The following CNOT6L variants were observed in gnomAD, a reference collection of about 807,000 sequenced individuals.
The protein encoded by CNOT6L is CCR4-NOT transcription complex subunit 6 like.
Under a neutral mutation model 64.0 loss-of-function variants are expected in CNOT6L, and 7 were observed. The observed-to-expected ratio is 0.11, with a 90% CI of 0.06 to 0.21. The LOEUF is 0.21. CNOT6L is among the 10% of genes least tolerant of loss of function. The pLI, the probability that CNOT6L is intolerant of heterozygous loss-of-function variation, is 1.00. For synonymous variants in CNOT6L, 193 were observed against 243.4 expected, an observed-to-expected ratio of 0.79 and a Z score of 1.93; for missense variants, 245 against 669.0, an observed-to-expected ratio of 0.37 and a Z score of 6.99.
chr4:77,720,081 G>A lies in CNOT6L; in HGVS notation c.*350C>T, dbSNP rs2109845313. On this transcript the variant is annotated 3_prime_UTR_variant, in exon 12 of 12. Coordinates refer to ENST00000504123, the MANE Select transcript of CNOT6L (RefSeq NM_144571.3). ...CCTTTTATAAAATGGTTGGCTCACT[G>A]AAACCATTCAAAAGAAAGTATTTGT... 1 of 177,070 alleles carries A rather than the reference G, an allele frequency of 5.6e-6. No homozygotes were observed. Among genetic ancestry groups the A allele is most frequent in the East Asian group, 1.6e-4 (1 of 6,432 alleles). 11.0% of individuals were successfully genotyped at this position (177,070 alleles called of 1,614,324 possible).
chr4:77,797,232 A>AC (rs1730964099), intron 1 of CNOT6L, among the ~76,000 whole-genome samples: 1 of 149,836 alleles, frequency 6.7e-6, no homozygotes, highest in Non-Finnish European at 1.5e-5. Context: ...CTCATACTAT[A>AC]TAAAAAAAAA....
intron 1 of CNOT6L, among the ~76,000 whole-genome samples, chr4:77,786,145 G>A (rs1390092109): frequency 6.6e-6 from 1 of 152,002 alleles, no homozygotes; most frequent in Non-Finnish European, 1.5e-5. Context: ...GCTGGGCATG[G>A]TGGCGGACAC....
At chr4:77,796,900 G>A (rs1288407471) in intron 1 of CNOT6L, among the ~76,000 whole-genome samples, 1 of 151,836 alleles carries the variant, frequency 6.6e-6, no homozygotes, top group Non-Finnish European at 1.5e-5. Context: ...GGACAACATG[G>A]CAAAACCCCA....
rs1347664953 is a variant in CNOT6L at position 77,718,880 on chromosome 4, C to CT, written c.*1550dup. On this transcript the variant is annotated 3_prime_UTR_variant, in exon 12 of 12. Coordinates refer to ENST00000504123, the MANE Select transcript of CNOT6L (RefSeq NM_144571.3). ...TTAAATAATTTAAATTTGACCTATA[C>CT]TTTATATATTAGTGAGACACAAATA... 1 of 152,508 alleles carries CT rather than the reference C, an allele frequency of 6.6e-6. No individual in the cohort carries two copies. The highest frequency in any genetic ancestry group is 6.6e-5 in the Admixed American group (1 of 15,238). The allele number at this position is 152,508 out of a possible 1,614,324, so 9.4% of individuals were successfully genotyped here.
chr4:77,781,323 T>A (rs1360476140), intron 1 of CNOT6L, among the ~76,000 whole-genome samples: 1 of 152,146 alleles, frequency 6.6e-6, no homozygotes, highest in Admixed American at 6.5e-5. Flanking sequence ...GTTCTGTACA[T>A]GTATCCCAGA....
chr4:77,740,797 G>A (rs1421005941), intron 8 of CNOT6L, among the ~76,000 whole-genome samples: 1 of 152,188 alleles, frequency 6.6e-6, no homozygotes, highest in Admixed American at 6.5e-5. Flanking sequence ...CAGTGATGAT[G>A]TAGGTGTCTT....
intron 8 of CNOT6L, among the ~76,000 whole-genome samples, chr4:77,736,579 T>C (rs368001960): frequency 7.2e-5 from 11 of 152,180 alleles, no homozygotes; most frequent in African/African-American, 2.2e-4. Context: ...TTTTGAAATA[T>C]AGAGGTTTTC....
At chr4:77,815,857 C>T (rs1733514473) in intron 1 of CNOT6L, among the ~76,000 whole-genome samples, 1 of 152,174 alleles carries the variant, frequency 6.6e-6, no homozygotes, top group Non-Finnish European at 1.5e-5. Flanking sequence ...CCAGGAGCAC[C>T]TGCACTGGAA....
chr4:77,725,067 C>A (rs1228949009), intron 11 of CNOT6L, among the ~76,000 whole-genome samples: 1 of 152,188 alleles, frequency 6.6e-6, no homozygotes, highest in African/African-American at 2.4e-5. Flanking sequence ...TCACTACATA[C>A]AAGTGGCTGG....
Position 77,801,166 on chromosome 4 carries a change from C to A in CNOT6L, c.5+18138G>T, listed in dbSNP as rs748848431. Reference sequence around the variant, plus strand: ...CCAGGAAAAGGATACTCTGACCCTACGTGAAAGCAAAAACCAGCCACTGAA... The same window carrying A: ...CCAGGAAAAGGATACTCTGACCCTAAGTGAAAGCAAAAACCAGCCACTGAA... On this transcript the variant is annotated intron_variant, in intron 1 of 11. Transcript: ENST00000504123. Among the ~76,000 whole-genome samples the A allele has an allele frequency of 3.3e-5, 5 of 152,204 alleles. No individual in the cohort carries two copies. The East Asian group carries it at 9.7e-4, about 29-fold the overall frequency.
At chr4:77,776,992 G>C (rs1295950528) in intron 1 of CNOT6L, among the ~76,000 whole-genome samples, 1 of 152,172 alleles carries the variant, frequency 6.6e-6, no homozygotes, top group Non-Finnish European at 1.5e-5. Flanking sequence ...GCAGAGTCTG[G>C]AAAACAGAAA....
chr4:77,740,839 C>T (rs972146025), intron 8 of CNOT6L, among the ~76,000 whole-genome samples: 2 of 152,098 alleles, frequency 1.3e-5, no homozygotes, highest in Admixed American at 6.5e-5. Context: ...ACCTTTTTTA[C>T]GTCTAGATAT....
chr4:77,815,880 C>G (rs959684864), intron 1 of CNOT6L, among the ~76,000 whole-genome samples: 1 of 152,100 alleles, frequency 6.6e-6, no homozygotes, highest in Admixed American at 6.6e-5. Flanking sequence ...GTCATGAAAG[C>G]AAGTAAACTG....
At chr4:77,742,433 G>T in intron 7 of CNOT6L, 138 bp from the exon 8 acceptor site, 1 of 853,038 alleles carries the variant, frequency 1.2e-6, no homozygotes, top group Non-Finnish European at 1.9e-6. Context: ...TATCTTACCT[G>T]ATTGCTAGCA....
At position 77,720,498 on chromosome 4, in the gene CNOT6L, G is replaced by A; in HGVS notation, c.1601C>T (p.Thr534Ile). 6.2e-7 allele frequency: 1 copy of A among 1,613,480 alleles called. No individual in the cohort carries two copies. The highest frequency in any genetic ancestry group is 8.5e-7 in the Non-Finnish European group (1 of 1,179,540). ...GAGTGGAGGGTGGAGTTCAAGTTGT[G>A]TTAACAGTGAGAAGTGGTCTGAAGG... ...HIPSDHFSLL[T>I]QLELHPPLLP... The change falls in exon 12 of 12, where the codon ACA becomes ATA. Residue 534 changes from threonine to isoleucine, a missense_variant. Transcript: ENST00000504123.
At chr4:77,819,521 C>T (rs1734057155), upstream of CNOT6L, 1 of 854,924 alleles carries the variant, frequency 1.2e-6, no homozygotes. Context: ...GGCCCGTAAC[C>T]GGGGCTCGCG....
At chr4:77,787,333 C>T (rs963830177) in intron 1 of CNOT6L, among the ~76,000 whole-genome samples, 5 of 152,088 alleles carry the variant, frequency 3.3e-5, no homozygotes, top group Admixed American at 6.6e-5. Flanking sequence ...TTCCTTCATT[C>T]GCTTTTATTT....
At chr4:77,745,738 A>T (rs1361553638) in intron 6 of CNOT6L, among the ~76,000 whole-genome samples, 1 of 152,216 alleles carries the variant, frequency 6.6e-6, no homozygotes, top group Non-Finnish European at 1.5e-5. Context: ...AATTAAGTTG[A>T]AATATTAAGA....
upstream of CNOT6L, chr4:77,819,501 C>T: frequency 8.3e-7 from 1 of 1,202,418 alleles, no homozygotes; most frequent in East Asian, 2.8e-5. Flanking sequence ...GAAGCCGCGG[C>T]GGCACACAGG....
Sources: gnomAD v4.1 joint callset for allele counts (sites outside exome capture counted in the v4.1 genomes callset) on GRCh38, gnomAD v4.1.1 for gene constraint, MANE v1.5 for transcripts, NCBI Gene and HGNC (gene_info 2026-07-23, HGNC 2026-07-21) for gene names.